Variants in MAP3K4 observed in about 807,000 individuals in gnomAD.
The protein encoded by MAP3K4 is MAP three kinase 1.
MAP3K4 carries 67 observed loss-of-function variants against 185.6 expected under a neutral mutation model. The observed-to-expected ratio is 0.36, with a 90% CI of 0.30 to 0.44. The LOEUF (loss-of-function observed/expected upper bound fraction) is 0.44. Ranked by LOEUF, MAP3K4 falls within the 20% of genes least tolerant of loss-of-function variation. The pLI, the probability that MAP3K4 is intolerant of heterozygous loss-of-function variation, is 1.00. For synonymous variants in MAP3K4, 702 were observed against 710.4 expected (o/e 0.99, Z 0.19); for missense variants, 1,551 against 1,995.1 (o/e 0.78, Z 4.24).
At chr6:161,014,150 C>T (rs780714323) in intron 1 of MAP3K4, among the ~76,000 whole-genome samples, 6 of 152,180 alleles carry the variant, frequency 3.9e-5, no homozygotes, top group African/African-American at 2.4e-5. Flanking sequence ...GTTCTTGGCA[C>T]CTCTTCCTTT....
At chr6:161,058,864 G>A (rs1320242987) in intron 3 of MAP3K4, among the ~76,000 whole-genome samples, 1 of 151,940 alleles carries the variant, frequency 6.6e-6, no homozygotes, top group Non-Finnish European at 1.5e-5. Context: ...CACTCTTGAT[G>A]GAAATGTAAT....
In MAP3K4 at chr6:161,043,183, G is replaced by A. The variant is rs1466513127; in HGVS notation, c.344-5433G>A. 6.6e-6 allele frequency among the ~76,000 whole-genome samples: 1 copy of A among 152,150 alleles called. No homozygotes were observed. Among genetic ancestry groups the A allele is most frequent in the Admixed American group, 6.5e-5 (1 of 15,286 alleles). On this transcript the variant is annotated intron_variant, in intron 2 of 26. Transcript: ENST00000392142. The surrounding 1 kb of genome is among the most constrained non-coding windows in gnomAD (Gnocchi z 4.3). ...TTTAAATCCATATTTCAGCTCTTTA[G>A]TCTAAACTTAGCCTGACTTTCAGGG... is the stretch of plus-strand genomic sequence containing the variant.
intron 1 of MAP3K4, among the ~76,000 whole-genome samples, chr6:161,026,757 TGTAG>T (rs1782689750): frequency 6.8e-6 from 1 of 146,184 alleles, no homozygotes; most frequent in Non-Finnish European, 1.5e-5. Context: ...TTTTTTTTTT[TGTAG>T]TTCTCATTGG....
At chr6:161,058,908 A>C (rs1378784645) in intron 3 of MAP3K4, among the ~76,000 whole-genome samples, 1 of 152,150 alleles carries the variant, frequency 6.6e-6, no homozygotes, top group Admixed American at 6.5e-5. Context: ...AGCCACAGAC[A>C]TTCTTGTACA....
Position 161,076,863 on chromosome 6 carries a change from G to A in MAP3K4, c.2097+3251G>A, listed in dbSNP as rs534116313. 1.1e-4 allele frequency among the ~76,000 whole-genome samples: 16 copies of A among 152,246 alleles called. No homozygotes were observed. Among genetic ancestry groups the A allele is most frequent in the African/African-American group, 3.6e-4 (15 of 41,532 alleles). On this transcript the variant is annotated intron_variant, in intron 5 of 26. Transcript: ENST00000392142. The surrounding 1 kb of genome is among the most constrained non-coding windows in gnomAD (Gnocchi z 4.2). ...GGGGACCAAGGAACTAGTGCCGAGC[G>A]TAAACTCCCTCTTAGAGTTTAAGAA...
At chr6:161,059,114 C>CA (rs1293674633) in intron 3 of MAP3K4, among the ~76,000 whole-genome samples, 2 of 150,254 alleles carry the variant, frequency 1.3e-5, no homozygotes, top group Admixed American at 1.3e-4. Context: ...CCATGATCAG[C>CA]AAAAAATGTT....
At chr6:161,044,711 T>C (rs1783640385) in intron 2 of MAP3K4, among the ~76,000 whole-genome samples, 1 of 152,236 alleles carries the variant, frequency 6.6e-6, no homozygotes, top group Admixed American at 6.5e-5. Flanking sequence ...GAGGTGTATT[T>C]GGCTCATGGT....
chr6:161,079,985 G>C (rs1785370931), intron 5 of MAP3K4, among the ~76,000 whole-genome samples: 1 of 152,198 alleles, frequency 6.6e-6, no homozygotes. Context: ...AAGGAATCCT[G>C]TAAACATCTG....
Position 161,056,472 on chromosome 6 carries a change from C to T in MAP3K4, c.1707+6493C>T, listed in dbSNP as rs1784238243. Among the ~76,000 whole-genome samples, 1 of 152,180 alleles carries T rather than the reference C, an allele frequency of 6.6e-6. No homozygotes were observed. ...AATAATCATGAGTTCATACTGATGT[C>T]TTTCGCTCTGATTCAGCACAAGGTT... On this transcript the variant is annotated intron_variant, in intron 3 of 26. Transcript: ENST00000392142. The surrounding 1 kb of genome is among the most constrained non-coding windows in gnomAD (Gnocchi z 5.4).
intron 3 of MAP3K4, among the ~76,000 whole-genome samples, chr6:161,060,358 GTTA>G (rs981093582): frequency 2.2e-4 from 33 of 152,180 alleles, no homozygotes; most frequent in Middle Eastern, 3.4e-3. Context: ...ACTAATTAGT[GTTA>G]TTAGTATGAT....
At chr6:161,099,428 A>T (rs1413051177) in intron 17 of MAP3K4, among the ~76,000 whole-genome samples, 1 of 152,264 alleles carries the variant, frequency 6.6e-6, no homozygotes, top group Non-Finnish European at 1.5e-5. Context: ...AGAAATGTCT[A>T]TAACCTAAAA....
intron 2 of MAP3K4, among the ~76,000 whole-genome samples, chr6:161,046,766 A>T (rs1783746283): frequency 6.6e-6 from 1 of 151,032 alleles, no homozygotes; most frequent in South Asian, 2.1e-4. Flanking sequence ...GGTTTGTGGT[A>T]TATTGGTTTG....
At chr6:161,113,166 A>C (rs1417368945) in intron 25 of MAP3K4, among the ~76,000 whole-genome samples, 1 of 152,218 alleles carries the variant, frequency 6.6e-6, no homozygotes, top group Non-Finnish European at 1.5e-5. Flanking sequence ...GATTATTCAT[A>C]CAAAGGAGTA....
intron 1 of MAP3K4, among the ~76,000 whole-genome samples, chr6:161,015,859 A>G (rs527756886): frequency 6.6e-6 from 1 of 152,174 alleles, no homozygotes; most frequent in Non-Finnish European, 1.5e-5. Context: ...CCCACCTCCA[A>G]CATTGGGGAT....
At chr6:161,095,103 A>G (rs1018079701) in intron 15 of MAP3K4, among the ~76,000 whole-genome samples, 2 of 152,174 alleles carry the variant, frequency 1.3e-5, no homozygotes, top group Non-Finnish European at 2.9e-5. Context: ...TGAGTCGCTC[A>G]TCTTTCAATA....
rs73022099 is a variant in MAP3K4, at chr6:161,007,455, A to C, written c.152+15372A>C. 2.6e-5 allele frequency among the ~76,000 whole-genome samples: 4 copies of C among 152,198 alleles called. 1 individual carries two copies. In the South Asian group the frequency reaches 8.3e-4, roughly 31 times the overall value. Reference sequence around the variant, plus strand: ...AGGTTAGCCATTTCTTGGAACACAGAACGTGGATTTCCTATCCATTGCTCT... The same window carrying C: ...AGGTTAGCCATTTCTTGGAACACAGCACGTGGATTTCCTATCCATTGCTCT... On this transcript the variant is annotated intron_variant, in intron 1 of 26. Transcript: ENST00000392142. The surrounding 1 kb of genome is among the most constrained non-coding windows in gnomAD (Gnocchi z 4.5).
At chr6:160,994,271 T>C (rs1333204720) in intron 1 of MAP3K4, among the ~76,000 whole-genome samples, 1 of 152,192 alleles carries the variant, frequency 6.6e-6, no homozygotes, top group Non-Finnish European at 1.5e-5. Flanking sequence ...GTACCAAATA[T>C]GTAGTCTATT....
In MAP3K4 at chr6:161,107,969, G is replaced by A; in HGVS notation, c.4119G>A (p.Glu1373=). 6.2e-7 allele frequency: 1 copy of A among 1,613,734 alleles called. No homozygotes were observed. Among genetic ancestry groups the A allele is most frequent in the Non-Finnish European group, 8.5e-7 (1 of 1,179,972 alleles). ...VDTGELMAMK[E]IRFQPNDHKT... is the part of the protein sequence containing the mutation. The stretch of plus-strand genomic sequence containing the variant: ...CCGGGGAGCTGATGGCCATGAAAGA[G>A]GTGAGTCACCTGGCTCCGTGGGGCC... The change falls in exon 21 of 27, where the codon GAG becomes GAA. Residue 1373 remains glutamate (E), a splice_region_variant and synonymous_variant. Transcript: ENST00000392142. The surrounding 1 kb of genome is among the most constrained non-coding windows in gnomAD (Gnocchi z 6.2).
intron 1 of MAP3K4, among the ~76,000 whole-genome samples, chr6:160,992,979 G>T (rs968843047): frequency 6.6e-5 from 10 of 151,950 alleles, no homozygotes; most frequent in Admixed American, 5.9e-4. Flanking sequence ...AAAATACCTC[G>T]GCAGCTCCTC....
Sources: gnomAD v4.1 joint callset for allele counts (sites outside exome capture counted in the v4.1 genomes callset) on GRCh38, gnomAD v4.1.1 for gene constraint, Gnocchi (gnomAD v3.1) non-coding constraint, MANE v1.5 for transcripts, NCBI Gene and HGNC (gene_info 2026-07-23, HGNC 2026-07-21) for gene names.